The following ABCA9 variants were observed in gnomAD, a reference collection of about 807,000 sequenced individuals.
ABCA9 encodes ATP-binding cassette sub-family A member 9.
Under a neutral mutation model 205.3 loss-of-function variants are expected in ABCA9, and 183 were observed. The ratio of observed to expected loss-of-function variants is 0.89; its 90% CI spans 0.79 to 1.01. The LOEUF is 1.01. Ranked by LOEUF, ABCA9 falls within the 50% of genes least tolerant of loss-of-function variation. The pLI is 0.00. For synonymous variants in ABCA9, 651 were observed against 683.3 expected (o/e 0.95, Z 0.74); for missense variants, 1,805 against 1,912.4 (o/e 0.94, Z 1.05).
chr17:69,013,474 A>AT (rs1275945379), intron 22 of ABCA9, among the ~76,000 whole-genome samples: 1 of 151,968 alleles, frequency 6.6e-6, no homozygotes, highest in Non-Finnish European at 1.5e-5. Context: ...CAAAGACTAC[A>AT]TCCCCCATCT....
chr17:69,018,880 T>C (rs2070726308), intron 19 of ABCA9, among the ~76,000 whole-genome samples: 3 of 152,064 alleles, frequency 2.0e-5, no homozygotes, highest in Admixed American at 2.0e-4. Context: ...ATTTCAGTCA[T>C]GCATTTCTTT....
At chr17:68,977,253 C>T (rs527914525) in intron 37 of ABCA9, among the ~76,000 whole-genome samples, 21 of 152,128 alleles carry the variant, frequency 1.4e-4, no homozygotes, top group African/African-American at 4.6e-4. Context: ...GCATCACCCA[C>T]CCCGGGGAGC....
chr17:69,071,398 A>G, the ABCA9 span, among the ~76,000 whole-genome samples: 2 of 152,188 alleles, frequency 1.3e-5, no homozygotes, highest in African/African-American at 4.8e-5. Context: ...AGGAAGGAGC[A>G]GGCAGCAATC....
At chr17:68,981,253 T>C (rs2069043219) in intron 37 of ABCA9, among the ~76,000 whole-genome samples, 1 of 152,134 alleles carries the variant, frequency 6.6e-6, no homozygotes, top group Non-Finnish European at 1.5e-5. Flanking sequence ...AATAATTTAT[T>C]GTATACTTGA....
intron 10 of ABCA9, 147 bp downstream of exon 10, chr17:69,031,961 T>C (rs2071164281): frequency 1.8e-6 from 1 of 570,930 alleles, no homozygotes; most frequent in Non-Finnish European, 3.0e-6. Context: ...CTATGAAGGA[T>C]GAGTATAGCC....
chr17:69,056,070 T>C (rs749884728), intron 1 of ABCA9, among the ~76,000 whole-genome samples: 16 of 151,676 alleles, frequency 1.1e-4, no homozygotes, highest in Non-Finnish European at 2.2e-4. Flanking sequence ...AGAAGAAAGA[T>C]CTAAAGCAAA....
chr17:69,019,331 A>G (rs2070739382), intron 19 of ABCA9, among the ~76,000 whole-genome samples: 1 of 152,136 alleles, frequency 6.6e-6, no homozygotes, highest in African/African-American at 2.4e-5. Context: ...GTATTCATAA[A>G]ATGCAAACTC....
intron 6 of ABCA9, among the ~76,000 whole-genome samples, chr17:69,039,452 G>A (rs1322072847): frequency 6.6e-6 from 1 of 152,046 alleles, no homozygotes; most frequent in East Asian, 1.9e-4. Flanking sequence ...ACAATAAATA[G>A]GGAAAGGATT....
chr17:68,998,687 C>T (rs1356816401), intron 25 of ABCA9, among the ~76,000 whole-genome samples: 1 of 151,892 alleles, frequency 6.6e-6, no homozygotes, highest in Admixed American at 6.6e-5. Flanking sequence ...GTATTTACAT[C>T]TTTTCTTATT....
intron 23 of ABCA9, among the ~76,000 whole-genome samples, chr17:69,009,898 A>G (rs573831002): frequency 6.6e-6 from 1 of 152,334 alleles, no homozygotes; most frequent in Admixed American, 6.5e-5. Flanking sequence ...TAGATAAATA[A>G]CTTTTTGAGT....
chr17:69,024,443 TAATA>T lies in ABCA9; in HGVS notation c.2142-94_2142-91del, dbSNP rs1384483911. On this transcript the variant is annotated intron_variant, in intron 16 of 38. Coordinates refer to ENST00000340001, the MANE Select transcript of ABCA9 (RefSeq NM_080283.4). ...ATGTAGTATGTGCTTGTCACTTTATTAATATTTATGAGACAAAAAAATGTGTAGT... is the reference window on the plus strand; with the variant it reads ...ATGTAGTATGTGCTTGTCACTTTATTTTTATGAGACAAAAAAATGTGTAGT... 5.4e-6 allele frequency: 7 copies of T among 1,287,848 alleles called. No individual in the cohort carries two copies. In the South Asian group the frequency reaches 8.2e-5, roughly 15 times the overall value. The allele number at this position is 1,287,848 out of a possible 1,614,324, so 79.8% of individuals were successfully genotyped here.
chr17:69,054,975 A>C (rs1393484906), intron 1 of ABCA9, among the ~76,000 whole-genome samples: 1 of 152,090 alleles, frequency 6.6e-6, no homozygotes, highest in East Asian at 1.9e-4. Context: ...ACAAAAAACA[A>C]AAAAAATGAG....
Position 68,982,199 on chromosome 17 carries a change from T to C in ABCA9, c.4720+363A>G, listed in dbSNP as rs139522218. On this transcript the variant is annotated intron_variant, in intron 37 of 38. Transcript: ENST00000340001. ...TACCGCTGAATGTACATGGTCTCTT[T>C]CTCCCAGAGCCTTGTTCAATTACAG... Among the ~76,000 whole-genome samples the C allele has an allele frequency of 5.2e-3, 791 of 152,292 alleles. 9 individuals carry two copies. Among genetic ancestry groups the C allele is most frequent in the African/African-American group, 0.018 (742 of 41,542 alleles).
chr17:69,040,635 T>A (rs1481524075), intron 6 of ABCA9, among the ~76,000 whole-genome samples: 1 of 152,208 alleles, frequency 6.6e-6, no homozygotes, highest in East Asian at 1.9e-4. Context: ...GAAAGGTTGA[T>A]GGTTGCAGCA....
At chr17:69,051,347 T>C (rs1391646361) in intron 1 of ABCA9, among the ~76,000 whole-genome samples, 1 of 152,224 alleles carries the variant, frequency 6.6e-6, no homozygotes. Flanking sequence ...TATCAGATAT[T>C]ATTTCTCCAT....
chr17:69,018,566 CA>C lies in ABCA9; in HGVS notation c.2613del (p.Phe871LeufsTer43). 1.3e-6 allele frequency: 2 copies of C among 1,584,278 alleles called. No homozygotes were observed. The highest frequency in any genetic ancestry group is 1.7e-6 in the Non-Finnish European group (2 of 1,169,530). On this transcript the variant is annotated frameshift_variant, in exon 20 of 39. Transcript: ENST00000340001. LOFTEE classifies it high-confidence loss of function. The stretch of plus-strand genomic sequence containing the variant: ...AAAAGTTGAGGGATAAAGCTAATAC[CA>C]AAAAGCAATAATCTATGCAGAGGAA... The part of the protein sequence containing the change: ...RKSLWTILLL[F>X]GISFIPQLLE...
At chr17:69,034,583 C>A (rs967985491) in intron 8 of ABCA9, 2 of 152,072 alleles carry the variant, frequency 1.3e-5, no homozygotes, top group South Asian at 2.1e-4. Context: ...ATTTATTTAA[C>A]CAGTAATCTA....
chr17:69,068,014 T>TG, the ABCA9 span, among the ~76,000 whole-genome samples: 1 of 152,170 alleles, frequency 6.6e-6, no homozygotes, highest in East Asian at 1.9e-4. Flanking sequence ...CCACAATATC[T>TG]GGGGGGCACT....
At chr17:68,986,103 G>T (rs1199153125) in intron 32 of ABCA9, 61 bp downstream of exon 32, 9 of 1,492,314 alleles carry the variant, frequency 6.0e-6, no homozygotes, top group African/African-American at 1.4e-5. Flanking sequence ...TTCATTTTGT[G>T]TGTATGTTAT....
Sources: allele counts gnomAD v4.1 joint callset (sites outside exome capture counted in the v4.1 genomes callset), GRCh38; gene constraint gnomAD v4.1.1; transcripts MANE v1.5; gene names NCBI Gene and HGNC (gene_info 2026-07-23, HGNC 2026-07-21).